The following LYPD6 variants were observed in gnomAD, a reference collection of about 807,000 sequenced individuals.
LYPD6 encodes the protein ly6/PLAUR domain-containing protein 6.
LYPD6 carries 15 observed loss-of-function variants against 22.7 expected under a neutral mutation model. That is an observed-to-expected ratio of 0.66 (90% confidence interval 0.44 to 1.02). The LOEUF is 1.02. Ranked by LOEUF, LYPD6 falls within the 50% of genes least tolerant of loss-of-function variation. LYPD6 has a pLI of 0.00. For synonymous variants in LYPD6, 72 were observed against 77.5 expected, an observed-to-expected ratio of 0.93 and a Z score of 0.37; for missense variants, 189 against 208.4, an observed-to-expected ratio of 0.91 and a Z score of 0.57.
At chr2:149,485,390 T>A in the LYPD6 span, among the ~76,000 whole-genome samples, 1 of 152,308 alleles carries the variant, frequency 6.6e-6, no homozygotes, top group Non-Finnish European at 1.5e-5. Context: ...GGGTTGCAGA[T>A]AGAGCAAGGA....
intron 1 of LYPD6, among the ~76,000 whole-genome samples, chr2:149,349,464 G>A (rs539166326): frequency 9.8e-5 from 15 of 152,292 alleles, no homozygotes; most frequent in Non-Finnish European, 1.9e-4. Context: ...GGGCATTTTG[G>A]TTAAAAGTTA....
chr2:149,409,242 T>G (rs1365724686), intron 1 of LYPD6, among the ~76,000 whole-genome samples: 1 of 152,118 alleles, frequency 6.6e-6, no homozygotes, highest in Non-Finnish European at 1.5e-5. Context: ...GTCTGCAGAG[T>G]CCTGTGATGT....
chr2:149,387,147 A>G (rs573231809), intron 1 of LYPD6, among the ~76,000 whole-genome samples: 71 of 152,340 alleles, frequency 4.7e-4, no homozygotes, highest in South Asian at 1.0e-3. Context: ...CCTCTTCCTT[A>G]GTTTGAGATC....
chr2:149,345,368 G>T (rs960474674), intron 1 of LYPD6, among the ~76,000 whole-genome samples: 1 of 149,232 alleles, frequency 6.7e-6, no homozygotes, highest in Non-Finnish European at 1.5e-5. Context: ...GTGCAGTGGC[G>T]CGATCTCAGG....
chr2:149,335,136 AT>A (rs796997151), intron 1 of LYPD6, among the ~76,000 whole-genome samples: 3,388 of 148,082 alleles, frequency 0.023, 115 homozygotes, highest in African/African-American at 0.078. Flanking sequence ...ACTCCTACTT[AT>A]TTTTTTTTTT....
intron 2 of LYPD6, among the ~76,000 whole-genome samples, chr2:149,443,898 A>G (rs1683622508): frequency 6.6e-6 from 1 of 151,492 alleles, no homozygotes; most frequent in South Asian, 2.1e-4. Context: ...TAAGTGTGGA[A>G]TAGCATTATG....
the LYPD6 span, among the ~76,000 whole-genome samples, chr2:149,481,328 TATA>T: frequency 1.3e-5 from 2 of 152,200 alleles, no homozygotes; most frequent in African/African-American, 2.4e-5. Context: ...CTAAAAAATG[TATA>T]ATGTCAAAGC....
chr2:149,330,501 C>G (rs1257136350), upstream of LYPD6: 1 of 149,130 alleles, frequency 6.7e-6, no homozygotes, highest in Non-Finnish European at 1.5e-5. Flanking sequence ...GGGCCGGCCG[C>G]GGCTGCGGGC....
intron 3 of LYPD6, among the ~76,000 whole-genome samples, chr2:149,466,880 G>T (rs1681212312): frequency 1.7e-5 from 2 of 120,264 alleles, no homozygotes; most frequent in South Asian, 6.1e-4. Flanking sequence ...GAACATTCCT[G>T]ATTTTATTGC....
chr2:149,409,672 T>G (rs1303074795), intron 1 of LYPD6, among the ~76,000 whole-genome samples: 1 of 152,104 alleles, frequency 6.6e-6, no homozygotes, highest in Non-Finnish European at 1.5e-5. Flanking sequence ...TGGAGTTATA[T>G]TCCCAGGGGG....
At chr2:149,432,345 C>T (rs1433527606) in intron 1 of LYPD6, among the ~76,000 whole-genome samples, 1 of 152,144 alleles carries the variant, frequency 6.6e-6, no homozygotes, top group East Asian at 1.9e-4. Flanking sequence ...TGAAAATCAC[C>T]CAATGTCTAT....
downstream of LYPD6, among the ~76,000 whole-genome samples, chr2:149,477,795 AAAT>A (rs1681466937): frequency 6.6e-6 from 1 of 152,110 alleles, no homozygotes; most frequent in African/African-American, 2.4e-5. Context: ...TCCCCAGGAA[AAAT>A]AATATTTAAT....
chr2:149,369,737 C>T (rs1355452479), intron 1 of LYPD6, among the ~76,000 whole-genome samples: 3 of 152,196 alleles, frequency 2.0e-5, no homozygotes, highest in Admixed American at 6.5e-5. Context: ...TGCTAGATGC[C>T]GCTGACCCAA....
chr2:149,463,877 G>A (rs1338015666), intron 3 of LYPD6, among the ~76,000 whole-genome samples: 1 of 151,982 alleles, frequency 6.6e-6, no homozygotes, highest in Non-Finnish European at 1.5e-5. Flanking sequence ...AAGGGGTGGG[G>A]GCAGGAGGGA....
intron 1 of LYPD6, among the ~76,000 whole-genome samples, chr2:149,334,746 G>T (rs933188076): frequency 2.0e-5 from 3 of 149,708 alleles, no homozygotes; most frequent in African/African-American, 7.4e-5. Flanking sequence ...ACAGATTACA[G>T]CAAGTAACGA....
rs1681381150 is a variant in LYPD6, at chr2:149,473,148, G to A, written c.*2298G>A. On this transcript the variant is annotated 3_prime_UTR_variant, in exon 5 of 5. Coordinates refer to ENST00000334166, the MANE Select transcript of LYPD6 (RefSeq NM_194317.5). ...ATTACACTCCACTGACATCTTCCAA[G>A]TACTGCATGTGATTGAATAAGAAAC... 2 of 152,556 alleles carry A rather than the reference G, an allele frequency of 1.3e-5. 1 individual carries two copies. The highest frequency in any genetic ancestry group is 4.1e-4 in the South Asian group (2 of 4,828). 9.5% of individuals were successfully genotyped at this position (152,556 alleles called of 1,614,324 possible).
At chr2:149,383,966 G>A (rs1462695623) in intron 1 of LYPD6, among the ~76,000 whole-genome samples, 2 of 152,084 alleles carry the variant, frequency 1.3e-5, no homozygotes, top group Non-Finnish European at 2.9e-5. Flanking sequence ...TTAATAATAT[G>A]CTATAAGAAA....
chr2:149,356,321 C>T (rs1162593784), intron 1 of LYPD6, among the ~76,000 whole-genome samples: 1 of 152,128 alleles, frequency 6.6e-6, no homozygotes, highest in Non-Finnish European at 1.5e-5. Flanking sequence ...TAAGTTTTGG[C>T]AGGAGGTAGG....
intron 1 of LYPD6, among the ~76,000 whole-genome samples, chr2:149,430,867 T>A (rs1683297727): frequency 6.6e-6 from 1 of 152,236 alleles, no homozygotes; most frequent in African/African-American, 2.4e-5. Context: ...CTTGTAAAAC[T>A]TGACCTGGCT....
Sources: allele counts gnomAD v4.1 joint callset (sites outside exome capture counted in the v4.1 genomes callset), GRCh38; gene constraint gnomAD v4.1.1; transcripts MANE v1.5; gene names NCBI Gene and HGNC (gene_info 2026-07-23, HGNC 2026-07-21).